The following FOXP1 variants were observed in gnomAD, a reference collection of about 807,000 sequenced individuals.
FOXP1 encodes forkhead box P1.
Under a neutral mutation model 98.2 loss-of-function variants are expected in FOXP1, and 15 were observed. The ratio of observed to expected loss-of-function variants is 0.15; its 90% confidence interval spans 0.10 to 0.24. The LOEUF (loss-of-function observed/expected upper bound fraction) is 0.24. Ranked by LOEUF, FOXP1 falls within the 10% of genes least tolerant of loss-of-function variation. The probability of loss-of-function intolerance (pLI) is 1.00; values close to 1 mark genes in which losing one functional copy is unlikely to be tolerated. For synonymous variants in FOXP1, 371 were observed against 314.5 expected, an observed-to-expected ratio of 1.18 and a Z score of -1.90; for missense variants, 633 against 848.5, an observed-to-expected ratio of 0.75 and a Z score of 3.15.
At chr3:71,487,898 T>A (rs1315876669) in intron 3 of FOXP1, among the ~76,000 whole-genome samples, 1 of 152,228 alleles carries the variant, frequency 6.6e-6, no homozygotes, top group East Asian at 1.9e-4. Flanking sequence ...TCCTATATCA[T>A]AAAACCTATA....
In FOXP1 at chr3:71,558,593, C is replaced by T. The variant is rs565127031; in HGVS notation, c.-298+22956G>A. Among the ~76,000 whole-genome samples the T allele has an allele frequency of 8.6e-5, 13 of 151,400 alleles. No homozygotes were observed. In the South Asian group the frequency reaches 2.7e-3, roughly 32 times the overall value. ...CACTGCAACCTCCGCCTCCGGGATT[C>T]AAGCGATTCTCCTGCCTCAGCCTCA... On this transcript the variant is annotated intron_variant, in intron 2 of 20. Coordinates refer to ENST00000649528, the MANE Select transcript of FOXP1 (RefSeq NM_001349338.3).
At chr3:71,121,706 T>C (rs2058788345) in intron 6 of FOXP1, among the ~76,000 whole-genome samples, 1 of 152,206 alleles carries the variant, frequency 6.6e-6, no homozygotes, top group African/African-American at 2.4e-5. Flanking sequence ...TAGGATGCTA[T>C]GACTGTAGGC....
intron 2 of FOXP1, among the ~76,000 whole-genome samples, chr3:71,510,582 T>C (rs2042134303): frequency 6.6e-6 from 1 of 152,158 alleles, no homozygotes; most frequent in Non-Finnish European, 1.5e-5. Flanking sequence ...ATGGAAAGGC[T>C]TCCCCCTAGA....
At chr3:71,332,373 A>C (rs1371590211) in intron 4 of FOXP1, 1 of 158,596 alleles carries the variant, frequency 6.3e-6, no homozygotes, top group African/African-American at 2.4e-5. Context: ...AACATCAGAA[A>C]GAAGAAACTC....
At chr3:71,214,672 G>A (rs962169775) in intron 5 of FOXP1, among the ~76,000 whole-genome samples, 4 of 152,226 alleles carry the variant, frequency 2.6e-5, no homozygotes, top group East Asian at 1.9e-4. Context: ...TCCTAATAAC[G>A]AGCATGCTAA....
chr3:71,445,586 T>C (rs2086337192), intron 3 of FOXP1, among the ~76,000 whole-genome samples: 2 of 152,184 alleles, frequency 1.3e-5, no homozygotes, highest in African/African-American at 4.8e-5. Flanking sequence ...CCCATTTGTT[T>C]CTGTGTTATG....
chr3:70,986,233 G>T (rs1406100740), intron 14 of FOXP1, among the ~76,000 whole-genome samples: 3 of 152,042 alleles, frequency 2.0e-5, no homozygotes, highest in African/African-American at 7.2e-5. Flanking sequence ...TGGTCCTTTT[G>T]TGGCCCACAG....
intron 6 of FOXP1, among the ~76,000 whole-genome samples, chr3:71,133,402 C>G (rs2059666915): frequency 6.6e-6 from 1 of 152,206 alleles, no homozygotes; most frequent in Non-Finnish European, 1.5e-5. Flanking sequence ...AGTCGTCTCG[C>G]TCTGGGCCTC....
chr3:70,965,104 T>C (rs929580795), intron 20 of FOXP1, among the ~76,000 whole-genome samples: 1 of 152,210 alleles, frequency 6.6e-6, no homozygotes. Flanking sequence ...GAGACTGTCA[T>C]CCCACAGCAT....
intron 7 of FOXP1, among the ~76,000 whole-genome samples, chr3:71,099,648 A>G (rs1337501177): frequency 6.6e-6 from 1 of 152,236 alleles, no homozygotes; most frequent in Non-Finnish European, 1.5e-5. Flanking sequence ...TCTCTAGATA[A>G]GAAAACAGAA....
At chr3:71,155,240 C>T (rs55889955) in intron 6 of FOXP1, among the ~76,000 whole-genome samples, 2,215 of 152,238 alleles carry the variant, frequency 0.015, 47 homozygotes, top group African/African-American at 0.051. Context: ...TACATATAAA[C>T]CAAGCAGTGC....
chr3:71,124,938 TCTAAGGCAG>T (rs1404443620), intron 6 of FOXP1, among the ~76,000 whole-genome samples: 1 of 152,190 alleles, frequency 6.6e-6, no homozygotes, highest in Admixed American at 6.5e-5. Context: ...CCCAAAGGGA[TCTAAGGCAG>T]TCAACTTTAA....
At chr3:71,265,384 T>G (rs946269457) in intron 5 of FOXP1, among the ~76,000 whole-genome samples, 1 of 152,184 alleles carries the variant, frequency 6.6e-6, no homozygotes, top group Non-Finnish European at 1.5e-5. Flanking sequence ...ATGTAAAGAA[T>G]GGCTCCTAGT....
chr3:71,331,035 G>A (rs1025475988), intron 4 of FOXP1, among the ~76,000 whole-genome samples: 1 of 152,238 alleles, frequency 6.6e-6, no homozygotes, highest in African/African-American at 2.4e-5. Flanking sequence ...CTCTGGCCGC[G>A]CTTGAGGGGC....
At chr3:71,564,267 C>A (rs951641898) in intron 2 of FOXP1, among the ~76,000 whole-genome samples, 7 of 152,156 alleles carry the variant, frequency 4.6e-5, no homozygotes, top group African/African-American at 1.7e-4. Flanking sequence ...AGTTCTCATC[C>A]GTTATCTGCC....
intron 3 of FOXP1, among the ~76,000 whole-genome samples, chr3:71,479,045 G>C (rs546001967): frequency 6.6e-6 from 1 of 152,322 alleles, no homozygotes; most frequent in African/African-American, 2.4e-5. Flanking sequence ...AAATTAGCTT[G>C]AATAGTTTCA....
chr3:71,573,693 T>C (rs2047513419), intron 2 of FOXP1: 1 of 152,228 alleles, frequency 6.6e-6, no homozygotes, highest in Non-Finnish European at 1.5e-5. Context: ...TTTTCTATTC[T>C]AATAGACCAT....
At chr3:71,275,949 T>G (rs1221644409) in intron 5 of FOXP1, 1 of 152,204 alleles carries the variant, frequency 6.6e-6, no homozygotes, top group Non-Finnish European at 1.5e-5. Context: ...TCTTCAATTT[T>G]AAATAATGTA....
chr3:71,071,554 T>C (rs886980515), intron 7 of FOXP1, among the ~76,000 whole-genome samples: 4 of 152,208 alleles, frequency 2.6e-5, no homozygotes, highest in Admixed American at 6.5e-5. Flanking sequence ...AAGAGGAAGA[T>C]GGATGAGATC....
Sources: gnomAD v4.1 joint callset for allele counts (sites outside exome capture counted in the v4.1 genomes callset) on GRCh38, gnomAD v4.1.1 for gene constraint, MANE v1.5 for transcripts, NCBI Gene and HGNC (gene_info 2026-07-23, HGNC 2026-07-21) for gene names.